The following CNTNAP2 variants were observed in gnomAD, a reference collection of about 807,000 sequenced individuals.
CNTNAP2 encodes contactin associated protein 2, also known as contactin-associated protein-like 2.
CNTNAP2 carries 98 observed loss-of-function variants against 155.2 expected under a neutral mutation model. That is an observed-to-expected ratio of 0.63 (90% CI 0.54 to 0.75). The LOEUF (loss-of-function observed/expected upper bound fraction) is 0.75. Ranked by LOEUF, CNTNAP2 falls within the 30% of genes least tolerant of loss-of-function variation. CNTNAP2 has a pLI of 0.00. For missense variants in CNTNAP2, 1,727 were observed against 1,688.1 expected (o/e 1.02, Z -0.40); for synonymous variants, 651 against 631.2 (o/e 1.03, Z -0.47).
chr7:148,080,906 A>G (rs1252264028), intron 15 of CNTNAP2, among the ~76,000 whole-genome samples: 1 of 152,180 alleles, frequency 6.6e-6, no homozygotes, highest in Non-Finnish European at 1.5e-5. Context: ...TTTTCATTGT[A>G]TTCTTTCACA....
intron 16 of CNTNAP2, among the ~76,000 whole-genome samples, chr7:148,144,170 C>A (rs1330211688): frequency 1.3e-5 from 2 of 152,184 alleles, no homozygotes; most frequent in Non-Finnish European, 1.5e-5. Context: ...TTTGTTTATA[C>A]CTTTTTTAAG....
intron 21 of CNTNAP2, among the ~76,000 whole-genome samples, chr7:148,316,790 G>T (rs1307593207): frequency 6.6e-6 from 1 of 152,194 alleles, no homozygotes; most frequent in Admixed American, 6.5e-5. Flanking sequence ...GGGAACCAAA[G>T]ATCCCAAATA....
intron 9 of CNTNAP2, among the ~76,000 whole-genome samples, chr7:147,325,313 C>T (rs755036382): frequency 3.3e-5 from 5 of 151,984 alleles, no homozygotes; most frequent in African/African-American, 4.8e-5. Flanking sequence ...TCAACAACAA[C>T]AACAACAACA....
Position 147,541,973 on chromosome 7 carries a change from T to C in CNTNAP2, c.1778-20165T>C, listed in dbSNP as rs186336608. 5.9e-5 allele frequency among the ~76,000 whole-genome samples: 9 copies of C among 152,298 alleles called. No homozygotes were observed. In the East Asian group the frequency reaches 1.5e-3, roughly 26 times the overall value. On this transcript the variant is annotated intron_variant, in intron 11 of 23. Coordinates refer to ENST00000361727, the MANE Select transcript of CNTNAP2 (RefSeq NM_014141.6). ...ATAAATGAGAGCCAGTGGCACATCA[T>C]CTCCTTATGAAGCTTTTTCAGAATT...
intron 12 of CNTNAP2, among the ~76,000 whole-genome samples, chr7:147,638,536 T>A (rs945101861): frequency 6.6e-6 from 1 of 152,242 alleles, no homozygotes; most frequent in Non-Finnish European, 1.5e-5. Flanking sequence ...ATCACCAAGA[T>A]AATTAGTCAC....
intron 3 of CNTNAP2, among the ~76,000 whole-genome samples, chr7:146,919,574 G>T (rs182367907): frequency 6.6e-6 from 1 of 152,344 alleles, no homozygotes. Context: ...ACCAGCAGCT[G>T]CTCCAGTGGA....
At position 147,726,363 on chromosome 7, in the gene CNTNAP2, C is replaced by T. The variant is rs144578707; in HGVS notation, c.2098+87057C>T. ...TAATGTAACTGAACCCAGGACTGGC[C>T]ACTTGCTACTTAAAAGCCAGACATG... On this transcript the variant is annotated intron_variant, in intron 13 of 23. Transcript: ENST00000361727. Among the ~76,000 whole-genome samples the T allele has an allele frequency of 5.1e-3, 771 of 151,988 alleles. 5 individuals are homozygous for T. Among genetic ancestry groups the T allele is most frequent in the Non-Finnish European group, 8.4e-3 (568 of 67,924 alleles).
intron 13 of CNTNAP2, among the ~76,000 whole-genome samples, chr7:147,657,225 A>C (rs1263028865): frequency 1.3e-5 from 2 of 151,934 alleles, no homozygotes; most frequent in Non-Finnish European, 2.9e-5. Context: ...TGGGGAGAAT[A>C]ATCAGGCTGT....
chr7:146,637,432 CTTAA>C (rs1308551664), intron 1 of CNTNAP2, among the ~76,000 whole-genome samples: 1 of 152,066 alleles, frequency 6.6e-6, no homozygotes, highest in African/African-American at 2.4e-5. Context: ...TTCATTCTTC[CTTAA>C]TTTTTACTAG....
intron 16 of CNTNAP2, among the ~76,000 whole-genome samples, chr7:148,127,281 C>G (rs1307461212): frequency 6.6e-6 from 1 of 152,038 alleles, no homozygotes; most frequent in African/African-American, 2.4e-5. Context: ...AGAGCAAGAC[C>G]CTATCTCAAA....
chr7:147,419,595 T>TA (rs1797255431), intron 10 of CNTNAP2, among the ~76,000 whole-genome samples: 1 of 152,186 alleles, frequency 6.6e-6, no homozygotes, highest in South Asian at 2.1e-4. Context: ...AGGCAGAAGT[T>TA]ACAATATTTC....
intron 12 of CNTNAP2, among the ~76,000 whole-genome samples, chr7:147,579,066 T>A (rs1229505801): frequency 6.6e-6 from 1 of 152,088 alleles, no homozygotes; most frequent in Non-Finnish European, 1.5e-5. Context: ...TTTAGTAAAT[T>A]CTTAATTGAC....
chr7:148,026,974 T>G (rs6966084), intron 15 of CNTNAP2, among the ~76,000 whole-genome samples: 42,155 of 151,998 alleles, frequency 0.28, 6,064 homozygotes, highest in Middle Eastern at 0.36. Flanking sequence ...TGTTGTTGTT[T>G]TTTTCTGAGC....
chr7:148,271,273 C>T (rs1796775040), intron 21 of CNTNAP2, among the ~76,000 whole-genome samples: 1 of 152,168 alleles, frequency 6.6e-6, no homozygotes, highest in East Asian at 1.9e-4. Context: ...TGGGGTTTCC[C>T]AACAGCAGAA....
Position 147,485,858 on chromosome 7 carries a change from C to A in CNTNAP2, c.1671-77C>A, listed in dbSNP as rs570894712. On this transcript the variant is annotated intron_variant, in intron 10 of 23. Transcript: ENST00000361727. ...CCTGGCATTGAAATGATATATTGCCCAGACAGCTTGGAATTTGGCCACTCA... is the reference window on the plus strand; with the variant it reads ...CCTGGCATTGAAATGATATATTGCCAAGACAGCTTGGAATTTGGCCACTCA... 8 of 1,389,014 alleles carry A rather than the reference C, an allele frequency of 5.8e-6. No individual in the cohort carries two copies. In the East Asian group the frequency reaches 1.8e-4, roughly 32 times the overall value. The allele number at this position is 1,389,014 out of a possible 1,614,324, so 86.0% of individuals were successfully genotyped here. A position where few individuals can be genotyped will look rare whatever the true frequency, so the allele number is the denominator to read the frequency against.
chr7:147,094,502 C>T (rs10952670), intron 4 of CNTNAP2, among the ~76,000 whole-genome samples: 80,467 of 150,022 alleles, frequency 0.54, 24,690 homozygotes, highest in East Asian at 0.71. Context: ...CCTGGGTTCA[C>T]GCCATTCTCC....
chr7:147,718,479 T>C (rs1796515170), intron 13 of CNTNAP2, among the ~76,000 whole-genome samples: 1 of 152,132 alleles, frequency 6.6e-6, no homozygotes, highest in East Asian at 1.9e-4. Flanking sequence ...TTTCCAGTTT[T>C]TGCATAAGAA....
chr7:146,572,557 T>A (rs1222381583), intron 1 of CNTNAP2, among the ~76,000 whole-genome samples: 2 of 152,184 alleles, frequency 1.3e-5, no homozygotes, highest in East Asian at 3.8e-4. Context: ...TTGCCCATAC[T>A]ATGGACATCC....
intron 3 of CNTNAP2, among the ~76,000 whole-genome samples, chr7:146,863,629 G>T (rs1795146591): frequency 6.6e-6 from 1 of 150,958 alleles, no homozygotes; most frequent in Admixed American, 6.6e-5. Flanking sequence ...ATCCTAATTA[G>T]TACTATGCTA....
Sources: gnomAD v4.1 joint callset for allele counts (sites outside exome capture counted in the v4.1 genomes callset) on GRCh38, gnomAD v4.1.1 for gene constraint, MANE v1.5 for transcripts, NCBI Gene and HGNC (gene_info 2026-07-23, HGNC 2026-07-21) for gene names.